The following C1QTNF3 variants were observed in gnomAD, a reference collection of about 807,000 sequenced individuals.
C1QTNF3 encodes complement C1q tumor necrosis factor-related protein 3.
A neutral mutation model predicts 32.6 loss-of-function variants in C1QTNF3; 26 were observed. The observed-to-expected ratio is 0.80, with a 90% CI of 0.58 to 1.11. C1QTNF3 has a LOEUF of 1.11. Among genes scored for constraint, C1QTNF3 ranks in the 50% least tolerant of loss-of-function variants. C1QTNF3 has a pLI of 0.00. For synonymous variants in C1QTNF3, 155 were observed against 146.0 expected (o/e 1.06, Z -0.44); for missense variants, 362 against 398.2 (o/e 0.91, Z 0.77).
At chr5:34,180,835 A>T in the C1QTNF3 span, among the ~76,000 whole-genome samples, 1 of 152,312 alleles carries the variant, frequency 6.6e-6, no homozygotes, top group East Asian at 1.9e-4. Context: ...CAGTGGCATT[A>T]TCTCAGCTCA....
the C1QTNF3 span, among the ~76,000 whole-genome samples, chr5:34,184,715 CAAAAAAA>C: frequency 7.7e-6 from 1 of 129,552 alleles, no homozygotes; most frequent in Non-Finnish European, 1.7e-5. Flanking sequence ...GACTCTGTCT[CAAAAAAA>C]AAAAAAAAAA....
At chr5:34,123,607 A>G in the C1QTNF3 span, among the ~76,000 whole-genome samples, 1 of 136,278 alleles carries the variant, frequency 7.3e-6, no homozygotes, top group East Asian at 2.1e-4. Context: ...TTTCCAGGAC[A>G]GCAGAACAGA....
the C1QTNF3 span, among the ~76,000 whole-genome samples, chr5:34,236,570 C>CTTTTTTTTTTTTTTT: frequency 2.6e-4 from 7 of 27,292 alleles, no homozygotes; most frequent in African/African-American, 3.5e-4. Context: ...TTTCTTTTTT[C>CTTTTTTTTTTTTTTT]TTTTTTTTTT....
chr5:34,082,773 C>T, the C1QTNF3 span, among the ~76,000 whole-genome samples: 3 of 151,636 alleles, frequency 2.0e-5, no homozygotes, highest in African/African-American at 7.3e-5. Context: ...TAGATGTAAA[C>T]GTAATTATAC....
the C1QTNF3 span, among the ~76,000 whole-genome samples, chr5:34,058,279 C>A: frequency 2.6e-5 from 4 of 152,024 alleles, no homozygotes; most frequent in African/African-American, 9.7e-5. Context: ...CTCTGAAGAC[C>A]ACGTGCTCCT....
chr5:34,119,693 G>T, the C1QTNF3 span, among the ~76,000 whole-genome samples: 1 of 152,084 alleles, frequency 6.6e-6, no homozygotes, highest in African/African-American at 2.4e-5. Flanking sequence ...TTGAGAGGCT[G>T]CCCAGATTCT....
chr5:34,100,258 T>G, the C1QTNF3 span, among the ~76,000 whole-genome samples: 1 of 152,226 alleles, frequency 6.6e-6, no homozygotes, highest in African/African-American at 2.4e-5. Context: ...ATGAAGGACT[T>G]AACTCATTCA....
At chr5:34,107,842 C>T in the C1QTNF3 span, among the ~76,000 whole-genome samples, 1 of 152,122 alleles carries the variant, frequency 6.6e-6, no homozygotes, top group East Asian at 1.9e-4. Context: ...TTGAATGTTC[C>T]ATTTCCCACC....
the C1QTNF3 span, among the ~76,000 whole-genome samples, chr5:34,127,549 G>C: frequency 6.6e-6 from 1 of 151,966 alleles, no homozygotes; most frequent in South Asian, 2.1e-4. Context: ...TAAGCAGAAA[G>C]GCATTCAAGA....
At chr5:34,193,847 A>G in the C1QTNF3 span, among the ~76,000 whole-genome samples, 1 of 152,312 alleles carries the variant, frequency 6.6e-6, no homozygotes, top group East Asian at 1.9e-4. Flanking sequence ...GTTCAGAAAT[A>G]TAAGTCTATT....
chr5:34,141,079 GAGGATAGA>G, the C1QTNF3 span, among the ~76,000 whole-genome samples: 5 of 152,036 alleles, frequency 3.3e-5, no homozygotes, highest in Non-Finnish European at 5.9e-5. Flanking sequence ...TTTAGTTCTA[GAGGATAGA>G]AGTCTAAGAT....
chr5:34,156,402 A>T, the C1QTNF3 span, among the ~76,000 whole-genome samples: 2 of 152,226 alleles, frequency 1.3e-5, no homozygotes, highest in Admixed American at 1.3e-4. Flanking sequence ...TTTCATAAAA[A>T]ATCTGAAGAA....
At chr5:34,220,333 C>T in the C1QTNF3 span, among the ~76,000 whole-genome samples, 1 of 151,970 alleles carries the variant, frequency 6.6e-6, no homozygotes, top group African/African-American at 2.4e-5. Context: ...AGTGGAGATG[C>T]CATTTTATTG....
chr5:34,070,099 G>C, the C1QTNF3 span, among the ~76,000 whole-genome samples: 28 of 152,060 alleles, frequency 1.8e-4, no homozygotes, highest in Non-Finnish European at 3.8e-4. Context: ...GTTCTTATTG[G>C]ATACACAGCT....
At chr5:34,213,692 G>GTGTATATATATATGTGTATATATA in the C1QTNF3 span, among the ~76,000 whole-genome samples, 5 of 100,910 alleles carry the variant, frequency 5.0e-5, no homozygotes, top group Non-Finnish European at 8.0e-5. Flanking sequence ...TGTTGTGTGT[G>GTGTATATATATATGTGTATATATA]TGTATATATA....
chr5:34,051,089 G>T, the C1QTNF3 span, among the ~76,000 whole-genome samples: 1 of 152,216 alleles, frequency 6.6e-6, no homozygotes, highest in Non-Finnish European at 1.5e-5. Context: ...TCCTGAAAAG[G>T]GACATACAGA....
chr5:34,195,310 G>T, the C1QTNF3 span, among the ~76,000 whole-genome samples: 1 of 143,994 alleles, frequency 6.9e-6, no homozygotes, highest in Non-Finnish European at 1.5e-5. Context: ...CATCTGGTAG[G>T]AATATATATA....
chr5:34,128,424 C>A, the C1QTNF3 span, among the ~76,000 whole-genome samples: 1 of 152,290 alleles, frequency 6.6e-6, no homozygotes, highest in South Asian at 2.1e-4. Flanking sequence ...GAGAAGAGGG[C>A]CACAGTCCTA....
At chr5:34,064,466 G>T in the C1QTNF3 span, among the ~76,000 whole-genome samples, 1 of 152,260 alleles carries the variant, frequency 6.6e-6, no homozygotes, top group East Asian at 1.9e-4. Flanking sequence ...AGCTCTATTA[G>T]AAGCCATAGG....
Sources: allele counts gnomAD v4.1 joint callset (sites outside exome capture counted in the v4.1 genomes callset), GRCh38; gene constraint gnomAD v4.1.1; transcripts MANE v1.5; gene names NCBI Gene and HGNC (gene_info 2026-07-23, HGNC 2026-07-21).